TBXT: variants seen among roughly 807,000 people sequenced by gnomAD.
TBXT encodes T brachyury transcription factor.
In TBXT, 19 loss-of-function variants were observed where a neutral mutation model predicts 41.1. That is an observed-to-expected ratio of 0.46 (90% CI 0.32 to 0.68). TBXT has a LOEUF of 0.68. Ranked by LOEUF, TBXT falls within the 30% of genes least tolerant of loss-of-function variation. TBXT has a pLI of 0.03. For synonymous variants in TBXT, 213 were observed against 238.9 expected, an observed-to-expected ratio of 0.89 and a Z score of 1.00; for missense variants, 536 against 582.0, an observed-to-expected ratio of 0.92 and a Z score of 0.81.
Position 166,160,853 on chromosome 6 carries a change from G to A in TBXT, c.1021C>T (p.Pro341Ser), listed in dbSNP as rs1241108581. 3.7e-6 allele frequency: 6 copies of A among 1,614,150 alleles called. No individual in the cohort carries two copies. Among genetic ancestry groups the A allele is most frequent in the African/African-American group, 1.3e-5 (1 of 75,052 alleles). ...SMLPVSHNAS[P>S]PTSSSQYPSL... Reference sequence around the variant, plus strand: ...ATACATTACCTGGAGCTGGTAGGTGGGCTGGCATTGTGGCTCACGGGGAGC... The same window carrying A: ...ATACATTACCTGGAGCTGGTAGGTGAGCTGGCATTGTGGCTCACGGGGAGC... The change falls in exon 7 of 8, where the codon CCA becomes TCA. Residue 341 changes from proline to serine, a missense_variant. Physicochemically the swap from Pro to Ser is moderately conservative, Grantham distance 74. Coordinates refer to ENST00000366876, the MANE Select transcript of TBXT (RefSeq NM_001366285.2).
rs757977861 is a variant in TBXT at position 166,158,284 on chromosome 6, CT to C, written c.*30del. ...CACTGGCTGCCACGACAAAAAGTCA[CT>C]GCATCTTTCGGGACCTGGGCCTTGC... On this transcript the variant is annotated 3_prime_UTR_variant, in exon 8 of 8. Transcript: ENST00000366876. 1.1e-5 allele frequency: 18 copies of C among 1,614,248 alleles called. No individual in the cohort carries two copies. In the East Asian group the frequency reaches 4.0e-4, roughly 36 times the overall value.
chr6:166,160,687 T>G (rs755305290), intron 7 of TBXT, 150 bp downstream of exon 7: 1 of 1,164,772 alleles, frequency 8.6e-7, no homozygotes, highest in African/African-American at 1.5e-5. Context: ...TCCCTGGGCA[T>G]AGCTGGCTAA....
rs986405086 is a variant in TBXT, at chr6:166,158,055, G to A, written c.*260C>T. The A allele has an allele frequency of 5.0e-6, 3 of 599,384 alleles. No individual in the cohort carries two copies. Among genetic ancestry groups the A allele is most frequent in the Non-Finnish European group, 5.9e-6 (2 of 341,006 alleles). The allele number at this position is 599,384 out of a possible 1,614,324, so 37.1% of individuals were successfully genotyped here. A position where few individuals can be genotyped will look rare whatever the true frequency, so the allele number is the denominator to read the frequency against. On this transcript the variant is annotated 3_prime_UTR_variant, in exon 8 of 8. Coordinates refer to ENST00000366876, the MANE Select transcript of TBXT (RefSeq NM_001366285.2). ...CATTTTTTCACCGTCAGTGAGGTTG[G>A]GCCAACTGCATCATCTCCACAGTTG...
intron 6 of TBXT, among the ~76,000 whole-genome samples, chr6:166,161,955 G>C (rs1778970804): frequency 6.6e-6 from 1 of 152,196 alleles, no homozygotes; most frequent in South Asian, 2.1e-4. Flanking sequence ...GCCCCACCAA[G>C]AGCTGCTGCC....
intron 7 of TBXT, 39 bp from the exon 8 acceptor site, chr6:166,158,627 G>T (rs1778863381): frequency 8.2e-6 from 12 of 1,461,004 alleles, no homozygotes; most frequent in Non-Finnish European, 1.1e-5. Flanking sequence ...GCCTGGGCAG[G>T]GGCTGCAGGC....
At position 166,164,644 on chromosome 6, in the gene TBXT, C is replaced by T; in HGVS notation, c.691G>A (p.Glu231Lys). 6.2e-7 allele frequency: 1 copy of T among 1,614,034 alleles called. No individual in the cohort carries two copies. The change falls in exon 5 of 8, where the codon GAG becomes AAG. Residue 231 changes from glutamate (E) to lysine (K), a missense_variant. Physicochemically the swap from Glu to Lys is moderately conservative, Grantham distance 56. Coordinates refer to ENST00000366876, the MANE Select transcript of TBXT (RefSeq NM_001366285.2). ...GGTTGCTGGCTGTCTCCGGGTTCCTCCATCATCTCTTTGTGATCACTTCTA... is the reference window on the plus strand; with the variant it reads ...GGTTGCTGGCTGTCTCCGGGTTCCTTCATCATCTCTTTGTGATCACTTCTA... ...KERSDHKEMM[E>K]EPGDSQQPGY... is the part of the protein sequence containing the mutation.
Position 166,167,759 on chromosome 6 carries a change from C to T in TBXT, c.-168G>A. The T allele has an allele frequency of 2.5e-6, 2 of 789,652 alleles. No homozygotes were observed. The highest frequency in any genetic ancestry group is 3.3e-5 in the South Asian group (2 of 59,838). The allele number at this position is 789,652 out of a possible 1,614,324, so 48.9% of individuals were successfully genotyped here. ...CCGGCACAGACCCGGGAGGAGGGCG[C>T]GGACCAAGACTTGGGGGGAGGGGAC... On this transcript the variant is annotated 5_prime_UTR_variant, in exon 1 of 8. Transcript: ENST00000366876.
At position 166,166,578 on chromosome 6, in the gene TBXT, C is replaced by T; in HGVS notation, c.471+14G>A. On this transcript the variant is annotated intron_variant, in intron 2 of 7. Coordinates refer to ENST00000366876, the MANE Select transcript of TBXT (RefSeq NM_001366285.2). ...CCTCGCTGGTCCCAGACCTGGCGGG[C>T]TCCTCACACCTACCTGGCCCCCTCC... 1.9e-6 allele frequency: 3 copies of T among 1,613,724 alleles called. No individual in the cohort carries two copies. The highest frequency in any genetic ancestry group is 1.3e-5 in the African/African-American group (1 of 75,056).
intron 7 of TBXT, among the ~76,000 whole-genome samples, chr6:166,159,133 T>C (rs1778877197): frequency 6.6e-6 from 1 of 152,154 alleles, no homozygotes; most frequent in Admixed American, 6.5e-5. Context: ...GATTGCACCA[T>C]TGCACTCCAG....
intron 1 of TBXT, 87 bp downstream of exon 1, chr6:166,167,299 G>A (rs1779148690): frequency 5.4e-6 from 8 of 1,481,108 alleles, no homozygotes; most frequent in Middle Eastern, 1.7e-4. Flanking sequence ...GGAGAAAAAG[G>A]GTTCGACCTC....
rs1159419382 is a variant in TBXT at position 166,167,732 on chromosome 6, T to C, written c.-141A>G. 1 of 1,111,388 alleles carries C rather than the reference T, an allele frequency of 9.0e-7. No homozygotes were observed. Among genetic ancestry groups the C allele is most frequent in the African/African-American group, 1.6e-5 (1 of 62,800 alleles). 68.8% of individuals were successfully genotyped at this position (1,111,388 alleles called of 1,614,324 possible). A position where few individuals can be genotyped will look rare whatever the true frequency, so the allele number is the denominator to read the frequency against. On this transcript the variant is annotated 5_prime_UTR_variant, in exon 1 of 8. Coordinates refer to ENST00000366876, the MANE Select transcript of TBXT (RefSeq NM_001366285.2). ...CCTGCGACGGCTCCCGGGTCCCGGG[T>C]CCCGGCACAGACCCGGGAGGAGGGC... is the stretch of plus-strand genomic sequence containing the variant.
intron 5 of TBXT, among the ~76,000 whole-genome samples, chr6:166,162,899 T>C (rs1407454750): frequency 1.3e-5 from 2 of 152,020 alleles, no homozygotes; most frequent in Non-Finnish European, 2.9e-5. Context: ...GGGCCCCTGA[T>C]GGGGGAAGCA....
At chr6:166,164,196 G>A (rs1266467892) in intron 5 of TBXT, among the ~76,000 whole-genome samples, 1 of 152,136 alleles carries the variant, frequency 6.6e-6, no homozygotes, top group Non-Finnish European at 1.5e-5. Context: ...TAGAACCAAA[G>A]GGCTAAGGAA....
chr6:166,167,621 C>G lies in TBXT; in HGVS notation c.-30G>C, dbSNP rs754396517. ...CCGTCCGGCTCCCCTCCCCGCCGTC[C>G]CCGAAGCCCAGACTCGCTACCTGAG... is the stretch of plus-strand genomic sequence containing the variant. On this transcript the variant is annotated 5_prime_UTR_variant, in exon 1 of 8. Transcript: ENST00000366876. The G allele has an allele frequency of 4.5e-6, 7 of 1,540,406 alleles. No individual in the cohort carries two copies. The highest frequency in any genetic ancestry group is 6.1e-6 in the Non-Finnish European group (7 of 1,148,510).
intron 6 of TBXT, among the ~76,000 whole-genome samples, 169 bp from the exon 7 acceptor site, chr6:166,161,135 G>A (rs1415858753): frequency 6.6e-6 from 1 of 152,172 alleles, no homozygotes. Flanking sequence ...GTTATCAGGG[G>A]CAAGATTTAT....
Position 166,167,641 on chromosome 6 carries a change from C to A in TBXT, c.-50G>T, listed in dbSNP as rs1263629067. 2.0e-6 allele frequency: 3 copies of A among 1,536,960 alleles called. No individual in the cohort carries two copies. Among genetic ancestry groups the A allele is most frequent in the Non-Finnish European group, 2.6e-6 (3 of 1,146,558 alleles). On this transcript the variant is annotated 5_prime_UTR_variant, in exon 1 of 8. Transcript: ENST00000366876. ...CCGTCCCCGAAGCCCAGACTCGCTA[C>A]CTGAGATCCACCTTCCCTGCTCTTG...
chr6:166,161,531 T>C (rs966701653), intron 6 of TBXT, among the ~76,000 whole-genome samples: 2 of 152,226 alleles, frequency 1.3e-5, no homozygotes, highest in Non-Finnish European at 2.9e-5. Context: ...AGTCTAGACA[T>C]ATACAGTGTT....
In TBXT at chr6:166,167,694, C is replaced by T. The variant is rs964571159; in HGVS notation, c.-103G>A. 10 of 1,471,362 alleles carry T rather than the reference C, an allele frequency of 6.8e-6. No homozygotes were observed. The African/African-American group carries it at 9.9e-5, about 14-fold the overall frequency. 91.1% of individuals were successfully genotyped at this position (1,471,362 alleles called of 1,614,324 possible). On this transcript the variant is annotated 5_prime_UTR_variant, in exon 1 of 8. Transcript: ENST00000366876. ...CGCCGCCCTTCCGAGAAAAGGGGCC[C>T]CTTGGACCGAGACCTGCGACGGCTC... is the stretch of plus-strand genomic sequence containing the variant.
Position 166,157,941 on chromosome 6 carries a change from A to G in TBXT, c.*374T>C. The stretch of plus-strand genomic sequence containing the variant: ...GTGCTTTTTATCTCACTAAAGTAGG[A>G]CTGGTGGAGTTTACAAATTCTGGTG... On this transcript the variant is annotated 3_prime_UTR_variant, in exon 8 of 8. Coordinates refer to ENST00000366876, the MANE Select transcript of TBXT (RefSeq NM_001366285.2). 2.7e-6 allele frequency: 1 copy of G among 368,322 alleles called. No individual in the cohort carries two copies. Among genetic ancestry groups the G allele is most frequent in the East Asian group, 6.3e-5 (1 of 15,792 alleles). The allele number at this position is 368,322 out of a possible 1,614,324, so 22.8% of individuals were successfully genotyped here.
Sources: gnomAD v4.1 joint callset for allele counts (sites outside exome capture counted in the v4.1 genomes callset) on GRCh38, gnomAD v4.1.1 for gene constraint, MANE v1.5 for transcripts, NCBI Gene and HGNC (gene_info 2026-07-23, HGNC 2026-07-21) for gene names.